RERE: variants seen among roughly 807,000 people sequenced by gnomAD.
The protein encoded by RERE is arginine-glutamic acid dipeptide repeats.
A neutral mutation model predicts 146.1 loss-of-function variants in RERE; 40 were observed. That is an observed-to-expected ratio of 0.27 (90% confidence interval 0.21 to 0.36). The LOEUF is 0.36. Ranked by LOEUF, RERE falls within the 10% of genes least tolerant of loss-of-function variation. RERE has a pLI of 1.00. For missense variants in RERE, 1,933 were observed against 2,138.7 expected, an observed-to-expected ratio of 0.90 and a Z score of 1.90; for synonymous variants, 1,003 against 866.0, an observed-to-expected ratio of 1.16 and a Z score of -2.78.
At chr1:8,727,086 T>C (rs1195035534) in intron 1 of RERE, among the ~76,000 whole-genome samples, 1 of 151,252 alleles carries the variant, frequency 6.6e-6, no homozygotes, top group African/African-American at 2.4e-5. Flanking sequence ...GATTACAGCA[T>C]GAGCCACTGG....
intron 1 of RERE, among the ~76,000 whole-genome samples, chr1:8,745,224 A>T (rs1640396410): frequency 6.6e-6 from 1 of 152,112 alleles, no homozygotes. Flanking sequence ...GGGATTTATA[A>T]GGGGCTCTTC....
rs777129852 is a variant in RERE at position 8,362,689 on chromosome 1, C to G, written c.1896G>C (p.Ser632=). ...TATCCCCCCAGCACCTGACCTTGGC[C>G]GACTTCTTCACTGTCTCTGCTTTAC... ...NDSKAETVKK[S]AKKVKEEASS... is the part of the protein sequence containing the mutation. The change falls in exon 16 of 23, where the codon TCG becomes TCC. Residue 632 remains serine, a synonymous_variant. Transcript: ENST00000400908. 1 of 1,614,218 alleles carries G rather than the reference C, an allele frequency of 6.2e-7. No individual in the cohort carries two copies. The highest frequency in any genetic ancestry group is 8.5e-7 in the Non-Finnish European group (1 of 1,180,036).
intron 11 of RERE, among the ~76,000 whole-genome samples, chr1:8,431,304 G>A (rs563850617): frequency 6.6e-6 from 1 of 152,272 alleles, no homozygotes; most frequent in South Asian, 2.1e-4. Flanking sequence ...ATTTTCATAG[G>A]ACCACGAATC....
At chr1:8,482,929 G>A (rs1036302646) in intron 10 of RERE, among the ~76,000 whole-genome samples, 1 of 152,106 alleles carries the variant, frequency 6.6e-6, no homozygotes, top group Non-Finnish European at 1.5e-5. Flanking sequence ...AAAGGTCTTG[G>A]TTATACCAGA....
chr1:8,483,733 A>G (rs953684547), intron 10 of RERE, among the ~76,000 whole-genome samples: 2 of 152,218 alleles, frequency 1.3e-5, no homozygotes, highest in Admixed American at 6.5e-5. Flanking sequence ...CAGAGATGAA[A>G]AACTATGAAG....
intron 11 of RERE, among the ~76,000 whole-genome samples, chr1:8,456,265 CT>C (rs1191570294): frequency 6.6e-6 from 1 of 152,136 alleles, no homozygotes; most frequent in East Asian, 1.9e-4. Context: ...TGTTCACTTC[CT>C]GAATTAAAAT....
intron 11 of RERE, chr1:8,465,578 TC>T: frequency 2.7e-6 from 1 of 369,296 alleles, no homozygotes; most frequent in South Asian, 2.1e-5. Flanking sequence ...AGGTTATATG[TC>T]CACGGGTTTT....
Position 8,361,675 on chromosome 1 carries a change from G to A in RERE, c.2016+88C>T, listed in dbSNP as rs541261494. The A allele has an allele frequency of 3.5e-5, 48 of 1,358,550 alleles. No homozygotes were observed. The South Asian group carries it at 5.7e-4, about 16-fold the overall frequency. 84.2% of individuals were successfully genotyped at this position (1,358,550 alleles called of 1,614,324 possible). A position where few individuals can be genotyped will look rare whatever the true frequency, so the allele number is the denominator to read the frequency against. ...ACTCCAGCCCCACCCTAGGAGACAG[G>A]GCACGGCCACCAACTAGGGAGAACC... On this transcript the variant is annotated intron_variant, in intron 17 of 22. Transcript: ENST00000400908.
chr1:8,691,861 C>T (rs944229809), intron 1 of RERE, among the ~76,000 whole-genome samples: 4 of 152,178 alleles, frequency 2.6e-5, no homozygotes, highest in Admixed American at 1.3e-4. Context: ...ACTTAGCTTA[C>T]CCTGGAAGTA....
chr1:8,639,302 CAT>C (rs1319006876), intron 2 of RERE, among the ~76,000 whole-genome samples: 1 of 152,152 alleles, frequency 6.6e-6, no homozygotes, highest in Non-Finnish European at 1.5e-5. Flanking sequence ...AGAAGTAAAA[CAT>C]ATGACAAAAC....
chr1:8,398,363 A>AGCTTTGCTCTCCTGTGT (rs1643129671), intron 12 of RERE, among the ~76,000 whole-genome samples: 1 of 152,222 alleles, frequency 6.6e-6, no homozygotes. Context: ...AAATCTCCAT[A>AGCTTTGCTCTCCTGTGT]GCTTTGCTCT....
chr1:8,463,847 G>T lies in RERE; in HGVS notation c.1203+2078C>A, dbSNP rs61787920. The stretch of plus-strand genomic sequence containing the variant: ...CAGCCATGGATTGCAAGCTGACAAG[G>T]CCCTGAGGCCGCCTAGGCCAGGCTG... On this transcript the variant is annotated intron_variant, in intron 11 of 22. Transcript: ENST00000400908. Among the ~76,000 whole-genome samples, 8 of 152,362 alleles carry T rather than the reference G, an allele frequency of 5.3e-5. No homozygotes were observed. In the South Asian group the frequency reaches 1.4e-3, roughly 28 times the overall value.
intron 2 of RERE, among the ~76,000 whole-genome samples, chr1:8,643,879 T>C (rs1647217894): frequency 6.6e-6 from 1 of 152,170 alleles, no homozygotes; most frequent in Non-Finnish European, 1.5e-5. Flanking sequence ...TTCTCACCTA[T>C]TTTTTTCCTT....
In RERE at chr1:8,360,114, A is replaced by G. The variant is rs2124365142; in HGVS notation, c.3393T>C (p.Ala1131=). ...VDTPSHASQS[A]RFYKHLDRGY... ...TCCTGGAGCCCTAGGAAGCGTACCT[A>G]GCTGACTGGCTGGCGTGACTGGGGG... is the stretch of plus-strand genomic sequence containing the variant. The change falls in exon 18 of 23, where the codon GCT becomes GCC. Residue 1131 remains alanine, a splice_region_variant and synonymous_variant. Coordinates refer to ENST00000400908, the MANE Select transcript of RERE (RefSeq NM_001042681.2). 2 of 1,580,608 alleles carry G rather than the reference A, an allele frequency of 1.3e-6. No homozygotes were observed. Among genetic ancestry groups the G allele is most frequent in the South Asian group, 1.2e-5 (1 of 85,942 alleles).
intron 7 of RERE, among the ~76,000 whole-genome samples, chr1:8,531,134 C>T (rs959234026): frequency 4.6e-5 from 7 of 151,986 alleles, no homozygotes; most frequent in African/African-American, 1.7e-4. Flanking sequence ...TCCATCCATC[C>T]AGGAAGCTTG....
rs1336599534 is a variant in RERE at position 8,502,275 on chromosome 1, C to T, written c.880-4746G>A. Among the ~76,000 whole-genome samples, 326 of 116,392 alleles carry T rather than the reference C, an allele frequency of 2.8e-3. 1 individual carries two copies. Among genetic ancestry groups the T allele is most frequent in the Non-Finnish European group, 4.5e-3 (247 of 54,766 alleles). The allele number at this position is 116,392 out of a possible 152,430, so 76.4% of individuals were successfully genotyped here. The stretch of plus-strand genomic sequence containing the variant: ...GAGGTGAGGGGCGCCTCTGCCCGGC[C>T]GCCCCTACTGGGAAGTGAGGAGCCC... On this transcript the variant is annotated intron_variant, in intron 8 of 22. Coordinates refer to ENST00000400908, the MANE Select transcript of RERE (RefSeq NM_001042681.2).
At chr1:8,377,738 A>G (rs2124400831) in intron 12 of RERE, among the ~76,000 whole-genome samples, 1 of 152,274 alleles carries the variant, frequency 6.6e-6, no homozygotes, top group South Asian at 2.1e-4. Context: ...CACCTTATAA[A>G]ATATACATCG....
At chr1:8,399,378 C>G (rs1408048329) in intron 12 of RERE, among the ~76,000 whole-genome samples, 1 of 152,048 alleles carries the variant, frequency 6.6e-6, no homozygotes, top group Admixed American at 6.6e-5. Context: ...AAGTTACAAT[C>G]TTATTTTATT....
At chr1:8,681,894 A>G (rs971740824) in intron 1 of RERE, among the ~76,000 whole-genome samples, 3 of 152,180 alleles carry the variant, frequency 2.0e-5, no homozygotes, top group Admixed American at 6.5e-5. Flanking sequence ...TCATATTGAG[A>G]GATCTGGGCA....
Sources: allele counts gnomAD v4.1 joint callset (sites outside exome capture counted in the v4.1 genomes callset), GRCh38; gene constraint gnomAD v4.1.1; transcripts MANE v1.5; gene names NCBI Gene and HGNC (gene_info 2026-07-23, HGNC 2026-07-21).